DNAH6: variants seen among roughly 807,000 people sequenced by gnomAD.
DNAH6 encodes the protein axonemal beta dynein heavy chain 6.
A neutral mutation model predicts 491.4 loss-of-function variants in DNAH6; 340 were observed. The observed-to-expected ratio is 0.69, with a 90% CI of 0.63 to 0.76. The LOEUF is 0.76. DNAH6 is among the 30% of genes least tolerant of loss of function. The pLI, the probability that DNAH6 is intolerant of heterozygous loss-of-function variation, is 0.00. For missense variants in DNAH6, 4,443 were observed against 4,972.2 expected, an observed-to-expected ratio of 0.89 and a Z score of 3.20; for synonymous variants, 1,603 against 1,686.1, an observed-to-expected ratio of 0.95 and a Z score of 1.21.
At chr2:84,569,028 T>C (rs1318597455) in intron 11 of DNAH6, among the ~76,000 whole-genome samples, 1 of 152,214 alleles carries the variant, frequency 6.6e-6, no homozygotes, top group Non-Finnish European at 1.5e-5. Context: ...ACCTTTAAAA[T>C]GTATCCTAAA....
chr2:84,584,266 A>G lies in DNAH6; in HGVS notation c.2481+16A>G, dbSNP rs1213628705. 2 of 1,609,212 alleles carry G rather than the reference A, an allele frequency of 1.2e-6. No homozygotes were observed. Among genetic ancestry groups the G allele is most frequent in the South Asian group, 2.2e-5 (2 of 90,286 alleles). On this transcript the variant is annotated intron_variant, in intron 15 of 76. Transcript: ENST00000389394. Reference sequence around the variant, plus strand: ...GCAAGCACAGGTAAGCTAAATCATTATTTTGTAAAAATAATCTATGCAAAG... The same window carrying G: ...GCAAGCACAGGTAAGCTAAATCATTGTTTTGTAAAAATAATCTATGCAAAG...
intron 33 of DNAH6, among the ~76,000 whole-genome samples, chr2:84,650,575 T>G (rs953661366): frequency 6.6e-6 from 1 of 152,150 alleles, no homozygotes; most frequent in Non-Finnish European, 1.5e-5. Context: ...TAAAACATTT[T>G]TATGATGACT....
intron 43 of DNAH6, 73 bp from the exon 44 acceptor site, chr2:84,686,411 A>G (rs1293263734): frequency 1.2e-5 from 10 of 852,984 alleles, no homozygotes; most frequent in African/African-American, 6.8e-5. Flanking sequence ...CTATTATTCT[A>G]TATGTTTTAT....
intron 64 of DNAH6, among the ~76,000 whole-genome samples, chr2:84,772,444 A>T (rs1270353314): frequency 1.3e-5 from 2 of 152,082 alleles, no homozygotes; most frequent in Non-Finnish European, 2.9e-5. Flanking sequence ...ATTCAGTTAC[A>T]TGCTGCCTAC....
At chr2:84,556,863 A>G (rs1428307689) in intron 10 of DNAH6, among the ~76,000 whole-genome samples, 1 of 152,192 alleles carries the variant, frequency 6.6e-6, no homozygotes, top group East Asian at 1.9e-4. Flanking sequence ...TTCTCATGTC[A>G]TTAAATGATT....
At chr2:84,667,201 GT>G (rs1340677014) in intron 37 of DNAH6, among the ~76,000 whole-genome samples, 3 of 152,262 alleles carry the variant, frequency 2.0e-5, no homozygotes, top group African/African-American at 7.2e-5. Context: ...AGGACTTCAT[GT>G]CTAAAACACC....
At chr2:84,568,908 C>T (rs1681493990) in intron 11 of DNAH6, among the ~76,000 whole-genome samples, 1 of 152,004 alleles carries the variant, frequency 6.6e-6, no homozygotes, top group Non-Finnish European at 1.5e-5. Flanking sequence ...TGGTGATTAC[C>T]CTATGGGTAA....
intron 11 of DNAH6, among the ~76,000 whole-genome samples, chr2:84,559,999 G>C (rs770157552): frequency 5.2e-4 from 79 of 152,222 alleles, no homozygotes; most frequent in Middle Eastern, 3.4e-3. Flanking sequence ...AAATAAGATA[G>C]AGAAATCAGT....
the DNAH6 span, among the ~76,000 whole-genome samples, chr2:84,474,769 A>T: frequency 1.3e-5 from 2 of 152,170 alleles, no homozygotes; most frequent in African/African-American, 4.8e-5. Context: ...ATAAAAATGG[A>T]TGCCTTTTGC....
At chr2:84,795,276 C>A (rs1254408020) in intron 68 of DNAH6, among the ~76,000 whole-genome samples, 6 of 151,204 alleles carry the variant, frequency 4.0e-5, no homozygotes, top group Non-Finnish European at 8.8e-5. Context: ...ATGTAACTAA[C>A]CTGCACATTG....
At chr2:84,531,083 G>A (rs910580365) in intron 4 of DNAH6, among the ~76,000 whole-genome samples, 1 of 152,084 alleles carries the variant, frequency 6.6e-6, no homozygotes, top group African/African-American at 2.4e-5. Flanking sequence ...GGAGAAGTGG[G>A]AAAACTCAAG....
chr2:84,605,344 C>G (rs575464731), intron 19 of DNAH6, among the ~76,000 whole-genome samples, 156 bp from the exon 20 acceptor site: 3 of 101,734 alleles, frequency 2.9e-5, no homozygotes, highest in African/African-American at 1.4e-4. Context: ...CAGAGTGAGA[C>G]TCTATCTCAA....
the DNAH6 span, among the ~76,000 whole-genome samples, chr2:84,505,760 C>T: frequency 4.1e-4 from 62 of 152,064 alleles, no homozygotes; most frequent in Admixed American, 6.6e-4. Flanking sequence ...TTCCTGTGTC[C>T]GTGTGTTCTC....
intron 62 of DNAH6, among the ~76,000 whole-genome samples, chr2:84,735,236 T>C (rs892384264): frequency 3.3e-5 from 5 of 152,268 alleles, no homozygotes; most frequent in African/African-American, 1.2e-4. Context: ...AATGTCATTC[T>C]TTCTATGGTT....
chr2:84,543,090 C>T (rs751371306), intron 4 of DNAH6, among the ~76,000 whole-genome samples: 4 of 152,084 alleles, frequency 2.6e-5, no homozygotes, highest in Non-Finnish European at 5.9e-5. Flanking sequence ...ACCCGGGAGG[C>T]GGAGGTTGCA....
In DNAH6 at chr2:84,549,926, A is replaced by G. The variant is rs145502308; in HGVS notation, c.1354A>G (p.Met452Val). Residue 452 changes from methionine (M) to valine (V), a missense_variant, in exon 9 of 77, where the codon ATG becomes GTG. By Grantham distance (21) the Met-to-Val change is conservative. This residue lies in a region of DNAH6 where 2,977 missense variants were observed against 3,296.6 expected (regional missense o/e 0.90). Transcript: ENST00000389394. ...RLNDYLIENT[M>V]HILTVNAVNS... ...AAACGACTATCTAATTGAGAACACA[A>G]TGCACATCTTAACGGTAAATGCTGT... is the stretch of plus-strand genomic sequence containing the variant. 3 of 1,613,394 alleles carry G rather than the reference A, an allele frequency of 1.9e-6. No individual in the cohort carries two copies. Among genetic ancestry groups the G allele is most frequent in the African/African-American group, 2.7e-5 (2 of 74,900 alleles).
At chr2:84,631,223 C>T (rs1688368530) in intron 29 of DNAH6, among the ~76,000 whole-genome samples, 1 of 152,136 alleles carries the variant, frequency 6.6e-6, no homozygotes, top group Non-Finnish European at 1.5e-5. Context: ...ATAATCGTGT[C>T]TGAAAACACA....
intron 13 of DNAH6, among the ~76,000 whole-genome samples, chr2:84,578,760 A>C (rs1038776044): frequency 6.6e-6 from 1 of 152,208 alleles, no homozygotes; most frequent in Non-Finnish European, 1.5e-5. Flanking sequence ...TGCCCACCCA[A>C]ATCCCACCTT....
At chr2:84,752,579 C>T (rs1673571099) in intron 63 of DNAH6, among the ~76,000 whole-genome samples, 1 of 152,032 alleles carries the variant, frequency 6.6e-6, no homozygotes, top group African/African-American at 2.4e-5. Flanking sequence ...TAATAACCCC[C>T]CGAAAAAACG....
Sources: allele counts gnomAD v4.1 joint callset (sites outside exome capture counted in the v4.1 genomes callset), GRCh38; gene constraint gnomAD v4.1.1; regional missense constraint gnomAD v4.1.1; transcripts MANE v1.5; gene names NCBI Gene and HGNC (gene_info 2026-07-23, HGNC 2026-07-21).